Variants in NOTCH2NLB observed in about 807,000 individuals in gnomAD.
NOTCH2NLB encodes notch homolog 2 N-terminal-like protein B.
Under a neutral mutation model 14.8 loss-of-function variants are expected in NOTCH2NLB, and 1 was observed. The ratio of observed to expected loss-of-function variants is 0.07; its 90% CI spans 0.02 to 0.32. The LOEUF (loss-of-function observed/expected upper bound fraction) is 0.32. NOTCH2NLB is among the 10% of genes least tolerant of loss of function. The probability of loss-of-function intolerance (pLI) is 1.00; values close to 1 mark genes in which losing one functional copy is unlikely to be tolerated. For missense variants in NOTCH2NLB, 11 were observed against 155.0 expected (o/e 0.07, Z 4.93); for synonymous variants, 6 against 57.5 (o/e 0.10, Z 4.05).
the NOTCH2NLB span, among the ~76,000 whole-genome samples, chr1:148,693,087 C>T: frequency 3.4e-4 from 28 of 81,360 alleles, no homozygotes; most frequent in African/African-American, 1.5e-3. Flanking sequence ...AGAAGAGAGC[C>T]GCCCCCCCCC....
the NOTCH2NLB span, among the ~76,000 whole-genome samples, chr1:148,600,658 TTGA>T: frequency 1.5e-5 from 2 of 132,114 alleles, no homozygotes; most frequent in East Asian, 2.2e-4. Context: ...ATAACAACTG[TTGA>T]TGAGGATGTG....
chr1:148,670,537 AAAATATATATATATACATAT>A (rs1664747318), intron 1 of NOTCH2NLB, among the ~76,000 whole-genome samples: 2 of 82,912 alleles, frequency 2.4e-5, no homozygotes, highest in African/African-American at 1.1e-4. Flanking sequence ...ACTAAAAAAA[AAAATATATATATATACATAT>A]ATATATATAT....
intron 1 of NOTCH2NLB, among the ~76,000 whole-genome samples, chr1:148,651,144 GAAAAAAAAA>G (rs1159790526): frequency 1.3e-5 from 1 of 76,510 alleles, no homozygotes; most frequent in African/African-American, 5.5e-5. Context: ...CTCTGCCTGA[GAAAAAAAAA>G]AAAAAAAAAA....
chr1:148,637,681 C>T (rs1333523304), intron 2 of NOTCH2NLB, among the ~76,000 whole-genome samples: 4 of 142,798 alleles, frequency 2.8e-5, no homozygotes, highest in Non-Finnish European at 4.6e-5. Context: ...CCTATCAACC[C>T]GTCATCCAGG....
chr1:148,674,805 T>A (rs1350418389), intron 1 of NOTCH2NLB, among the ~76,000 whole-genome samples: 1 of 143,846 alleles, frequency 7.0e-6, no homozygotes, highest in African/African-American at 2.5e-5. Flanking sequence ...TATTTATTCA[T>A]CATATTTCAC....
Position 148,679,473 on chromosome 1 carries a change from G to A in NOTCH2NLB, c.-9C>T, listed in dbSNP as rs1389415567. 3.4e-5 allele frequency: 38 copies of A among 1,102,912 alleles called. 11 individuals are homozygous for A. Among genetic ancestry groups the A allele is most frequent in the Non-Finnish European group, 4.4e-5 (38 of 858,852 alleles). 68.3% of individuals were successfully genotyped at this position (1,102,912 alleles called of 1,614,324 possible). A position where few individuals can be genotyped will look rare whatever the true frequency, so the allele number is the denominator to read the frequency against. On this transcript the variant is annotated 5_prime_UTR_variant, in exon 1 of 5. Coordinates refer to ENST00000593495, the Ensembl canonical transcript of NOTCH2NLB. ...AGCCCGATACTCACCATGCGCGGGGGTCGCGCAGCACAGCCAGAGCGCCAG... is the reference window on the plus strand; with the variant it reads ...AGCCCGATACTCACCATGCGCGGGGATCGCGCAGCACAGCCAGAGCGCCAG...
intron 1 of NOTCH2NLB, among the ~76,000 whole-genome samples, chr1:148,645,639 T>C (rs1164345297): frequency 6.8e-6 from 1 of 146,602 alleles, no homozygotes; most frequent in African/African-American, 2.6e-5. Context: ...TGCATGTCTG[T>C]GTTTCCACTG....
chr1:148,631,377 CA>C (rs1332435819), intron 2 of NOTCH2NLB, among the ~76,000 whole-genome samples: 2 of 82,060 alleles, frequency 2.4e-5, no homozygotes, highest in Admixed American at 2.4e-4. Flanking sequence ...GCATTTCGAG[CA>C]GAAATTAACT....
downstream of NOTCH2NLB, among the ~76,000 whole-genome samples, chr1:148,604,992 T>C (rs1348475567): frequency 4.4e-5 from 6 of 137,060 alleles, no homozygotes; most frequent in East Asian, 1.1e-3. Context: ...CACACACACA[T>C]TGATATGTAA....
chr1:148,607,488 A>G, exon 4 of NOTCH2NLB: 1 of 1,177,382 alleles, frequency 8.5e-7, no homozygotes, highest in Non-Finnish European at 1.2e-6. Flanking sequence ...GAGGGTGCAC[A>G]GGGCACATAC....
chr1:148,637,034 T>C (rs1664215885), intron 2 of NOTCH2NLB, among the ~76,000 whole-genome samples: 1 of 131,472 alleles, frequency 7.6e-6, no homozygotes, highest in Non-Finnish European at 1.6e-5. Flanking sequence ...AATTAACAAG[T>C]AGCCAGGGAC....
chr1:148,628,317 G>C (rs1197556997), intron 2 of NOTCH2NLB, among the ~76,000 whole-genome samples: 1 of 122,950 alleles, frequency 8.1e-6, no homozygotes, highest in East Asian at 2.8e-4. Flanking sequence ...AGATTCTGTA[G>C]TGACTGCCAT....
chr1:148,670,749 T>C (rs1174552764), intron 1 of NOTCH2NLB, among the ~76,000 whole-genome samples: 4 of 98,744 alleles, frequency 4.1e-5, no homozygotes, highest in South Asian at 3.9e-4. Context: ...AATAAAAAAA[T>C]CTTGTAAAGG....
Position 148,621,920 on chromosome 1 carries a change from TA to T in NOTCH2NLB, c.78-5971del, listed in dbSNP as rs1663887440. Among the ~76,000 whole-genome samples the T allele has an allele frequency of 3.4e-5, 4 of 117,488 alleles. 2 individuals are homozygous for T. The highest frequency in any genetic ancestry group is 3.2e-4 in the Admixed American group (4 of 12,608). The allele number at this position is 117,488 out of a possible 152,430, so 77.1% of individuals were successfully genotyped here. ...TTTTCTGCCTCCCTTCCCAGGTATA[TA>T]CCTGAAGTAACTGAAAACATATTTT... is the stretch of plus-strand genomic sequence containing the variant. On this transcript the variant is annotated intron_variant, in intron 2 of 4. Transcript: ENST00000593495.
At chr1:148,613,159 C>T (rs1361444097) in intron 3 of NOTCH2NLB, among the ~76,000 whole-genome samples, 3 of 148,916 alleles carry the variant, frequency 2.0e-5, no homozygotes, top group Admixed American at 1.3e-4. Context: ...ATTTAAGTAT[C>T]GTTAACTTTA....
chr1:148,661,497 C>A (rs1664683023), intron 1 of NOTCH2NLB, among the ~76,000 whole-genome samples: 1 of 147,838 alleles, frequency 6.8e-6, no homozygotes, highest in African/African-American at 2.5e-5. Flanking sequence ...TAATTTCAAC[C>A]TGTCGTGAAT....
At chr1:148,660,301 CACA>C (rs1414860438) in intron 1 of NOTCH2NLB, among the ~76,000 whole-genome samples, 1 of 94,760 alleles carries the variant, frequency 1.1e-5, no homozygotes, top group Non-Finnish European at 2.1e-5. Flanking sequence ...TCTAGTCAAA[CACA>C]ACAAGATTTA....
At chr1:148,661,699 A>T (rs1188952892) in intron 1 of NOTCH2NLB, among the ~76,000 whole-genome samples, 2 of 146,432 alleles carry the variant, frequency 1.4e-5, no homozygotes, top group African/African-American at 5.0e-5. Flanking sequence ...TGTGCTAGAT[A>T]AAAGTGGCCT....
At chr1:148,609,193 C>T (rs1297000945) in intron 3 of NOTCH2NLB, among the ~76,000 whole-genome samples, 3 of 130,630 alleles carry the variant, frequency 2.3e-5, no homozygotes, top group African/African-American at 9.2e-5. Context: ...TGTGCTGCAC[C>T]CATTAACTCG....
Sources: allele counts gnomAD v4.1 joint callset (sites outside exome capture counted in the v4.1 genomes callset), GRCh38; gene constraint gnomAD v4.1.1; transcripts MANE v1.5; gene names NCBI Gene and HGNC (gene_info 2026-07-23, HGNC 2026-07-21).